Variants in MACROD2 observed in about 807,000 individuals in gnomAD.
The protein encoded by MACROD2 is mono-ADP ribosylhydrolase 2.
MACROD2 carries 36 observed loss-of-function variants against 70.4 expected under a neutral mutation model. That is an observed-to-expected ratio of 0.51 (90% CI 0.39 to 0.68). The LOEUF is 0.68. MACROD2 is among the 30% of genes least tolerant of loss of function. The pLI is 0.00. For missense variants in MACROD2, 496 were observed against 538.4 expected (o/e 0.92, Z 0.78); for synonymous variants, 172 against 178.8 (o/e 0.96, Z 0.30).
chr20:16,026,813 G>A (rs190414307), intron 15 of MACROD2, among the ~76,000 whole-genome samples: 13 of 152,262 alleles, frequency 8.5e-5, no homozygotes, highest in African/African-American at 2.9e-4. Flanking sequence ...AAGCCCCTAC[G>A]AGGAGGGTTT....
chr20:15,728,550 C>G (rs564198809), intron 8 of MACROD2, among the ~76,000 whole-genome samples: 9 of 152,174 alleles, frequency 5.9e-5, no homozygotes, highest in African/African-American at 1.9e-4. Context: ...GGTTGGTAGG[C>G]TTTATATTAC....
rs988445921 is a variant in MACROD2 at position 14,809,517 on chromosome 20, T to G, written c.418+124558T>G. On this transcript the variant is annotated intron_variant, in intron 5 of 17. Coordinates refer to ENST00000684519, the MANE Select transcript of MACROD2 (RefSeq NM_001351661.2). ...AAAATTGACACCCTAACATCACAAT[T>G]AAAAGAACTAGAGAAGCAAGAGCAA... Among the ~76,000 whole-genome samples the G allele has an allele frequency of 2.3e-4, 35 of 151,474 alleles. 2 individuals are homozygous for G. Among genetic ancestry groups the G allele is most frequent in the Admixed American group, 1.9e-3 (29 of 15,198 alleles).
At chr20:15,646,801 A>G (rs1212945269) in intron 8 of MACROD2, among the ~76,000 whole-genome samples, 1 of 152,086 alleles carries the variant, frequency 6.6e-6, no homozygotes, top group African/African-American at 2.4e-5. Context: ...GTCCACCATG[A>G]TTGTTAAGTT....
At chr20:15,255,360 C>T (rs918024105) in intron 6 of MACROD2, among the ~76,000 whole-genome samples, 1 of 152,058 alleles carries the variant, frequency 6.6e-6, no homozygotes, top group African/African-American at 2.4e-5. Context: ...TTCTCTTTGC[C>T]TATTTGAATT....
chr20:15,706,345 C>T (rs73897825), intron 8 of MACROD2, among the ~76,000 whole-genome samples: 2,174 of 152,242 alleles, frequency 0.014, 55 homozygotes, highest in African/African-American at 0.047. Context: ...TTGAAGTAGA[C>T]GGCACATAAG....
intron 7 of MACROD2, among the ~76,000 whole-genome samples, chr20:15,498,613 A>G (rs1266422528): frequency 6.6e-6 from 1 of 152,180 alleles, no homozygotes; most frequent in Non-Finnish European, 1.5e-5. Flanking sequence ...CAGGAGAAGA[A>G]GTCACACATT....
rs532633483 is a variant in MACROD2, at chr20:15,619,028, A to G, written c.645+119181A>G. Among the ~76,000 whole-genome samples, 1,226 of 152,276 alleles carry G rather than the reference A, an allele frequency of 8.1e-3. 8 individuals carry two copies. Among genetic ancestry groups the G allele is most frequent in the Non-Finnish European group, 0.014 (938 of 68,014 alleles). ...CTCTTGCACTGAGTCAGTCAGTTCC[A>G]GGGTGAGCCACAAGATCACATGAGC... On this transcript the variant is annotated intron_variant, in intron 8 of 17. Transcript: ENST00000684519.
intron 3 of MACROD2, among the ~76,000 whole-genome samples, chr20:14,221,233 G>C (rs1453858470): frequency 1.3e-5 from 2 of 152,120 alleles, no homozygotes; most frequent in Non-Finnish European, 2.9e-5. Flanking sequence ...GTATGAATGG[G>C]CTTTGGAATG....
At chr20:15,175,910 C>T (rs147974089) in intron 5 of MACROD2, among the ~76,000 whole-genome samples, 1,593 of 152,270 alleles carry the variant, frequency 0.01, 11 homozygotes, top group South Asian at 0.017. Flanking sequence ...AGCAGCTGCC[C>T]GACTGTGGCT....
chr20:14,333,386 G>T (rs2082878494), intron 3 of MACROD2, among the ~76,000 whole-genome samples: 1 of 152,104 alleles, frequency 6.6e-6, no homozygotes. Context: ...AAGGCAAACT[G>T]GGATATTATC....
At chr20:15,555,450 A>G (rs1309016972) in intron 8 of MACROD2, among the ~76,000 whole-genome samples, 2 of 152,098 alleles carry the variant, frequency 1.3e-5, no homozygotes, top group African/African-American at 4.8e-5. Context: ...ATGATCTAGC[A>G]TTTTCCAGGA....
At chr20:15,764,251 A>AT (rs1346231357) in intron 8 of MACROD2, among the ~76,000 whole-genome samples, 2 of 152,012 alleles carry the variant, frequency 1.3e-5, no homozygotes, top group Non-Finnish European at 2.9e-5. Flanking sequence ...ATTTTATATT[A>AT]TTTTTTTCTG....
chr20:14,185,200 ATAACTT>A (rs1569196458), intron 3 of MACROD2, among the ~76,000 whole-genome samples: 1 of 152,120 alleles, frequency 6.6e-6, no homozygotes, highest in Non-Finnish European at 1.5e-5. Context: ...TCTTGAAATC[ATAACTT>A]TAGTATCTAG....
chr20:15,028,055 G>A (rs1391909104), intron 5 of MACROD2, among the ~76,000 whole-genome samples: 5 of 152,166 alleles, frequency 3.3e-5, no homozygotes, highest in Non-Finnish European at 7.3e-5. Flanking sequence ...CCCAGATGAT[G>A]CATGAAGATC....
At chr20:16,018,133 A>G (rs1361081816) in intron 15 of MACROD2, among the ~76,000 whole-genome samples, 6 of 152,216 alleles carry the variant, frequency 3.9e-5, no homozygotes, top group Admixed American at 3.3e-4. Flanking sequence ...ATATTAAAAA[A>G]TGAATATTAT....
At chr20:14,356,644 A>G (rs1363940270) in intron 3 of MACROD2, among the ~76,000 whole-genome samples, 3 of 151,756 alleles carry the variant, frequency 2.0e-5, no homozygotes, top group African/African-American at 7.3e-5. Context: ...AGCTGGGATT[A>G]CAAGCATGAG....
At chr20:15,250,630 A>C (rs1430086668) in intron 6 of MACROD2, among the ~76,000 whole-genome samples, 1 of 152,176 alleles carries the variant, frequency 6.6e-6, no homozygotes, top group Non-Finnish European at 1.5e-5. Flanking sequence ...TTTTCTGTGT[A>C]TATGCCACAG....
intron 3 of MACROD2, among the ~76,000 whole-genome samples, chr20:14,349,019 G>A (rs943224038): frequency 3.9e-5 from 6 of 152,084 alleles, no homozygotes; most frequent in Non-Finnish European, 8.8e-5. Context: ...AGTGGGCCAT[G>A]ATCACCCCAC....
chr20:16,043,167 A>G (rs2067330678), intron 16 of MACROD2, among the ~76,000 whole-genome samples: 1 of 152,068 alleles, frequency 6.6e-6, no homozygotes, highest in African/African-American at 2.4e-5. Context: ...TACTTCAAGC[A>G]TGCTCTGATT....
Sources: gnomAD v4.1 joint callset for allele counts (sites outside exome capture counted in the v4.1 genomes callset) on GRCh38, gnomAD v4.1.1 for gene constraint, MANE v1.5 for transcripts, NCBI Gene and HGNC (gene_info 2026-07-23, HGNC 2026-07-21) for gene names.